The following DYM variants were observed in gnomAD, a reference collection of about 807,000 sequenced individuals.
DYM encodes dymeclin.
Under a neutral mutation model 93.1 loss-of-function variants are expected in DYM, and 78 were observed. That is an observed-to-expected ratio of 0.84 (90% confidence interval 0.70 to 1.01). The LOEUF (loss-of-function observed/expected upper bound fraction) is 1.01. DYM is among the 50% of genes least tolerant of loss of function. DYM has a pLI of 0.00. For synonymous variants in DYM, 321 were observed against 319.7 expected (o/e 1.00, Z -0.04); for missense variants, 789 against 845.0 (o/e 0.93, Z 0.82).
intron 15 of DYM, among the ~76,000 whole-genome samples, chr18:49,134,419 T>C (rs571210447): frequency 3.3e-5 from 5 of 152,248 alleles, no homozygotes; most frequent in Admixed American, 6.5e-5. Flanking sequence ...TAGTACAGGA[T>C]GCATTTTTTG....
chr18:49,083,665 C>T (rs992550205), intron 17 of DYM, among the ~76,000 whole-genome samples: 37 of 152,216 alleles, frequency 2.4e-4, no homozygotes, highest in African/African-American at 8.7e-4. Context: ...ATTACTAATT[C>T]ATTTAAAAAA....
At chr18:49,377,262 G>GT (rs1213712871) in intron 5 of DYM, among the ~76,000 whole-genome samples, 2 of 152,032 alleles carry the variant, frequency 1.3e-5, no homozygotes, top group Non-Finnish European at 2.9e-5. Flanking sequence ...CCATAATATT[G>GT]TTTTTAAAAA....
chr18:49,188,370 C>T (rs887739851), intron 14 of DYM, among the ~76,000 whole-genome samples: 5 of 152,082 alleles, frequency 3.3e-5, no homozygotes, highest in Non-Finnish European at 7.4e-5. Context: ...ACAGAAGGAG[C>T]ATATTCTTAA....
At chr18:49,326,992 CGTGTGT>C (rs10584298) in intron 8 of DYM, among the ~76,000 whole-genome samples, 13,498 of 93,292 alleles carry the variant, frequency 0.14, 949 homozygotes, top group East Asian at 0.27. Context: ...TTTAAAAAAC[CGTGTGT>C]GTGTGTGTGT....
intron 5 of DYM, among the ~76,000 whole-genome samples, chr18:49,364,503 A>G (rs1205564334): frequency 6.6e-6 from 1 of 152,038 alleles, no homozygotes; most frequent in Non-Finnish European, 1.5e-5. Flanking sequence ...AACCTTCATA[A>G]CTAGTTAGTA....
intron 14 of DYM, among the ~76,000 whole-genome samples, chr18:49,201,689 G>A (rs901667053): frequency 1.3e-5 from 2 of 152,208 alleles, no homozygotes; most frequent in African/African-American, 4.8e-5. Flanking sequence ...CTTAGCATAT[G>A]TCATGTGCTC....
At chr18:49,410,509 C>G (rs1278516654) in intron 2 of DYM, among the ~76,000 whole-genome samples, 2 of 148,286 alleles carry the variant, frequency 1.3e-5, no homozygotes, top group Admixed American at 6.7e-5. Context: ...AATAACACCA[C>G]AACCTCAAAA....
intron 2 of DYM, among the ~76,000 whole-genome samples, chr18:49,422,783 A>G (rs2073866497): frequency 6.6e-6 from 1 of 152,236 alleles, no homozygotes; most frequent in African/African-American, 2.4e-5. Flanking sequence ...ACTAACAAAG[A>G]TCAAAAGAGA....
chr18:49,108,525 T>C (rs1279653897), intron 16 of DYM, among the ~76,000 whole-genome samples: 1 of 152,246 alleles, frequency 6.6e-6, no homozygotes, highest in Non-Finnish European at 1.5e-5. Context: ...ACTGGAGCTG[T>C]TCCTATTCGG....
intron 8 of DYM, among the ~76,000 whole-genome samples, chr18:49,317,590 TCTCTCTCCC>T (rs1452420020): frequency 1.7e-4 from 2 of 11,602 alleles, no homozygotes; most frequent in Non-Finnish European, 3.1e-4. Context: ...TCTCTCTCTC[TCTCTCTCCC>T]CCCTCCCCCC....
intron 15 of DYM, among the ~76,000 whole-genome samples, chr18:49,147,499 A>G (rs1350533867): frequency 1.3e-5 from 2 of 152,240 alleles, no homozygotes; most frequent in Admixed American, 1.3e-4. Context: ...CAAATTTACA[A>G]GAAAAAAACA....
At chr18:49,267,872 G>C (rs1297222104) in intron 11 of DYM, among the ~76,000 whole-genome samples, 1 of 152,078 alleles carries the variant, frequency 6.6e-6, no homozygotes, top group Non-Finnish European at 1.5e-5. Context: ...ACTCTGGCCT[G>C]GGAGACAAAG....
intron 17 of DYM, among the ~76,000 whole-genome samples, chr18:49,067,701 A>G (rs1006842411): frequency 6.6e-6 from 1 of 152,196 alleles, no homozygotes; most frequent in African/African-American, 2.4e-5. Flanking sequence ...CTGCCTCTCA[A>G]ATGGCCAGTT....
chr18:49,456,170 C>T (rs1208344226), intron 1 of DYM, among the ~76,000 whole-genome samples: 2 of 152,154 alleles, frequency 1.3e-5, no homozygotes, highest in African/African-American at 4.8e-5. Context: ...ACCCAGAAAT[C>T]AAGGGCCATA....
chr18:49,303,452 G>A (rs2061072669), intron 8 of DYM, among the ~76,000 whole-genome samples: 1 of 152,192 alleles, frequency 6.6e-6, no homozygotes, highest in South Asian at 2.1e-4. Flanking sequence ...GGGAACTCCA[G>A]GAGAGCTTTC....
intron 11 of DYM, among the ~76,000 whole-genome samples, chr18:49,271,783 A>C (rs2094705884): frequency 1.3e-5 from 2 of 151,956 alleles, no homozygotes; most frequent in South Asian, 4.1e-4. Context: ...CTTTAAAAAT[A>C]TATATATAAA....
At chr18:49,133,626 C>T (rs2083571470) in intron 15 of DYM, among the ~76,000 whole-genome samples, 1 of 152,190 alleles carries the variant, frequency 6.6e-6, no homozygotes, top group Admixed American at 6.5e-5. Flanking sequence ...GCCTGCATTC[C>T]CCATCACATT....
intron 2 of DYM, among the ~76,000 whole-genome samples, chr18:49,392,460 T>C (rs539808440): frequency 3.0e-4 from 46 of 152,024 alleles, no homozygotes; most frequent in African/African-American, 1.0e-3. Flanking sequence ...TGATAAGAGA[T>C]TGATATCCAG....
intron 17 of DYM, among the ~76,000 whole-genome samples, chr18:49,080,754 T>G (rs2077890145): frequency 4.5e-5 from 5 of 111,886 alleles, no homozygotes; most frequent in Non-Finnish European, 9.3e-5. Flanking sequence ...ACGGGGCAGC[T>G]CCGGGCGGAG....
Sources: gnomAD v4.1 joint callset for allele counts (sites outside exome capture counted in the v4.1 genomes callset) on GRCh38, gnomAD v4.1.1 for gene constraint, MANE v1.5 for transcripts, NCBI Gene and HGNC (gene_info 2026-07-23, HGNC 2026-07-21) for gene names.